The following RELN variants were observed in gnomAD, a reference collection of about 807,000 sequenced individuals.
The protein encoded by RELN is reelin.
RELN carries 108 observed loss-of-function variants against 427.6 expected under a neutral mutation model. That is an observed-to-expected ratio of 0.25 (90% CI 0.22 to 0.30). The LOEUF (loss-of-function observed/expected upper bound fraction) is 0.30. RELN is among the 10% of genes least tolerant of loss of function. The pLI is 1.00. For missense variants in RELN, 3,715 were observed against 4,302.8 expected (o/e 0.86, Z 3.82); for synonymous variants, 1,524 against 1,513.4 (o/e 1.01, Z -0.16).
chr7:103,965,792 ACATT>A (rs1796648673), intron 1 of RELN, among the ~76,000 whole-genome samples: 2 of 152,224 alleles, frequency 1.3e-5, no homozygotes, highest in African/African-American at 4.8e-5. Flanking sequence ...ACAGTATTCA[ACATT>A]TGGAAAAGAT....
intron 47 of RELN, 82 bp from the exon 48 acceptor site, chr7:103,522,281 C>T (rs777666055): frequency 3.2e-5 from 43 of 1,339,508 alleles, no homozygotes; most frequent in Middle Eastern, 5.0e-4. Context: ...GAAGACTACT[C>T]TTTTCCTAGT....
chr7:103,479,464 C>T (rs1032053185), intron 63 of RELN, among the ~76,000 whole-genome samples: 20 of 152,142 alleles, frequency 1.3e-4, no homozygotes, highest in African/African-American at 3.9e-4. Flanking sequence ...AAAATATTAT[C>T]TGTCAATTCG....
chr7:103,909,822 A>ATT lies in RELN; in HGVS notation c.337+7252_337+7253insAA, dbSNP rs1172408809. 1.5e-3 allele frequency among the ~76,000 whole-genome samples: 84 copies of ATT among 56,360 alleles called. 5 individuals carry two copies. Among genetic ancestry groups the ATT allele is most frequent in the African/African-American group, 4.2e-3 (77 of 18,272 alleles). 37.0% of individuals were successfully genotyped at this position (56,360 alleles called of 152,430 possible). A position where few individuals can be genotyped will look rare whatever the true frequency, so the allele number is the denominator to read the frequency against. On this transcript the variant is annotated intron_variant, in intron 2 of 64. Transcript: ENST00000428762. ...TATATTAATATATAATATTATATATAAAATATATATATTTAATATATATAT... is the reference window on the plus strand; with the variant it reads ...TATATTAATATATAATATTATATATATTAAATATATATATTTAATATATATAT...
chr7:103,705,466 T>G (rs955772549), intron 8 of RELN, among the ~76,000 whole-genome samples: 1 of 152,198 alleles, frequency 6.6e-6, no homozygotes, highest in Non-Finnish European at 1.5e-5. Context: ...AAAAATCTGA[T>G]AGTAGGTGTA....
intron 10 of RELN, among the ~76,000 whole-genome samples, chr7:103,695,775 C>T (rs1345289558): frequency 6.6e-6 from 1 of 152,086 alleles, no homozygotes; most frequent in Non-Finnish European, 1.5e-5. Context: ...GCAGAAATTC[C>T]TCTTTTAATC....
chr7:103,938,742 A>G (rs547233999), intron 1 of RELN, among the ~76,000 whole-genome samples: 2 of 152,210 alleles, frequency 1.3e-5, no homozygotes, highest in African/African-American at 4.8e-5. Flanking sequence ...ATCTGTGAGG[A>G]AACAATGTGT....
chr7:103,962,182 C>G (rs1472256750), intron 1 of RELN, among the ~76,000 whole-genome samples: 1 of 152,154 alleles, frequency 6.6e-6, no homozygotes, highest in South Asian at 2.1e-4. Context: ...CCCTGTTCCC[C>G]GTGCTGAACT....
At chr7:103,756,672 G>A (rs1289322479) in intron 4 of RELN, among the ~76,000 whole-genome samples, 4 of 152,024 alleles carry the variant, frequency 2.6e-5, no homozygotes, top group Non-Finnish European at 5.9e-5. Context: ...AAGTGGTCTG[G>A]GGAGCTTCAA....
chr7:103,562,618 A>C (rs1209459750), intron 34 of RELN, among the ~76,000 whole-genome samples: 2 of 152,238 alleles, frequency 1.3e-5, no homozygotes, highest in African/African-American at 2.4e-5. Flanking sequence ...ACTTAGGAAA[A>C]GTTTGCATAG....
At chr7:103,911,256 C>T (rs902769961) in intron 2 of RELN, among the ~76,000 whole-genome samples, 2 of 148,794 alleles carry the variant, frequency 1.3e-5, no homozygotes, top group Non-Finnish European at 3.0e-5. Flanking sequence ...TGAAAAAATG[C>T]TCATCATCAC....
intron 2 of RELN, among the ~76,000 whole-genome samples, chr7:103,860,549 T>A (rs1279067205): frequency 2.6e-5 from 4 of 152,160 alleles, no homozygotes; most frequent in East Asian, 3.9e-4. Flanking sequence ...ACTTGGATTT[T>A]AAAAAAATCC....
chr7:103,552,818 G>A (rs559148828), intron 40 of RELN, among the ~76,000 whole-genome samples: 2 of 151,860 alleles, frequency 1.3e-5, no homozygotes, highest in Admixed American at 1.3e-4. Flanking sequence ...AACTCTTAAA[G>A]GTGCTAAAGA....
chr7:103,519,213 A>G (rs947686796), intron 49 of RELN, 110 bp downstream of exon 49: 2 of 824,198 alleles, frequency 2.4e-6, no homozygotes, highest in African/African-American at 3.4e-5. Flanking sequence ...TCTCAGAGGC[A>G]TCCTCTAGTG....
chr7:103,655,643 G>A (rs1310573452), intron 12 of RELN, among the ~76,000 whole-genome samples: 1 of 152,084 alleles, frequency 6.6e-6, no homozygotes, highest in Non-Finnish European at 1.5e-5. Flanking sequence ...GGGAAAGCTA[G>A]AACTGAATTA....
Position 103,953,910 on chromosome 7 carries a change from C to T in RELN, c.226+35221G>A, listed in dbSNP as rs28760480. ...CCGTGCCACTACATGCCAGGCTGTG[C>T]GGCAGAGCAAGACTCCATCTCAAAA... On this transcript the variant is annotated intron_variant, in intron 1 of 64. Transcript: ENST00000428762. This position sits in a 1 kb window ranked among gnomAD's most constrained non-coding sequence, Gnocchi z 4.3. 0.019 allele frequency among the ~76,000 whole-genome samples: 2,941 copies of T among 151,988 alleles called. 98 individuals carry two copies. The highest frequency in any genetic ancestry group is 0.067 in the African/African-American group (2,780 of 41,428).
intron 6 of RELN, among the ~76,000 whole-genome samples, chr7:103,743,335 T>C (rs1259834343): frequency 6.6e-6 from 1 of 152,142 alleles, no homozygotes; most frequent in African/African-American, 2.4e-5. Flanking sequence ...ACATCAAGGC[T>C]AGGAAGAAAC....
At chr7:103,807,381 G>C (rs887680667) in intron 3 of RELN, among the ~76,000 whole-genome samples, 4 of 152,168 alleles carry the variant, frequency 2.6e-5, no homozygotes, top group African/African-American at 9.6e-5. Context: ...GATACTTTTT[G>C]AAATTAGGAT....
intron 1 of RELN, among the ~76,000 whole-genome samples, chr7:103,958,254 AG>A (rs1449485528): frequency 6.6e-6 from 1 of 152,216 alleles, no homozygotes; most frequent in Admixed American, 6.5e-5. Context: ...GTCACAAAAA[AG>A]ACCCAGTGAC....
Position 103,895,537 on chromosome 7 carries a change from A to G in RELN, c.337+21538T>C, listed in dbSNP as rs548344412. Among the ~76,000 whole-genome samples the G allele has an allele frequency of 2.6e-5, 4 of 152,238 alleles. No individual in the cohort carries two copies. The East Asian group carries it at 7.7e-4, about 29-fold the overall frequency. On this transcript the variant is annotated intron_variant, in intron 2 of 64. Transcript: ENST00000428762. ...CAGTCATTTATAAAGTGGTACATTG[A>G]AGTCAGAAACGTATACATGCAGAAT...
Sources: allele counts gnomAD v4.1 joint callset (sites outside exome capture counted in the v4.1 genomes callset), GRCh38; gene constraint gnomAD v4.1.1; non-coding constraint Gnocchi (gnomAD v3.1); transcripts MANE v1.5; gene names NCBI Gene and HGNC (gene_info 2026-07-23, HGNC 2026-07-21).